Variants in SLC24A3 observed in about 807,000 individuals in gnomAD.
SLC24A3 encodes the protein solute carrier family 24 member 3, also known as sodium/potassium/calcium exchanger 3.
SLC24A3 carries 28 observed loss-of-function variants against 75.8 expected under a neutral mutation model. The observed-to-expected ratio is 0.37, with a 90% CI of 0.27 to 0.51. The LOEUF is 0.51. Among genes scored for constraint, SLC24A3 ranks in the 20% least tolerant of loss-of-function variants. The pLI, the probability that SLC24A3 is intolerant of heterozygous loss-of-function variation, is 0.94. For synonymous variants in SLC24A3, 372 were observed against 334.1 expected (o/e 1.11, Z -1.24); for missense variants, 663 against 847.8 (o/e 0.78, Z 2.71).
chr20:19,518,583 G>C (rs1233422725), intron 3 of SLC24A3, among the ~76,000 whole-genome samples: 1 of 152,194 alleles, frequency 6.6e-6, no homozygotes, highest in Non-Finnish European at 1.5e-5. Context: ...TGAGAGTCAG[G>C]GAGTCTAGAG....
intron 2 of SLC24A3, among the ~76,000 whole-genome samples, chr20:19,406,948 T>C (rs1372866757): frequency 6.6e-6 from 1 of 152,198 alleles, no homozygotes; most frequent in African/African-American, 2.4e-5. Context: ...GCAGTTGACA[T>C]GTGGTGCTGC....
At chr20:19,266,453 A>C (rs1983169000) in intron 1 of SLC24A3, among the ~76,000 whole-genome samples, 1 of 152,218 alleles carries the variant, frequency 6.6e-6, no homozygotes, top group Non-Finnish European at 1.5e-5. Context: ...GGCATGAATT[A>C]AGAAAAGCCC....
In SLC24A3 at chr20:19,698,641, C is replaced by A; in HGVS notation, c.1680C>A (p.Pro560=). ...VFDILIGLGL[P]WALQTLAVDY... ...ACATCCTGATTGGCCTCGGTCTCCC[C>A]TGGGCTCTGCAGACCCTGGCTGTGG... The change falls in exon 15 of 17, where the codon CCC becomes CCA. Residue 560 remains proline, a synonymous_variant. Transcript: ENST00000328041. 6.3e-7 allele frequency: 1 copy of A among 1,592,692 alleles called. No individual in the cohort carries two copies. Among genetic ancestry groups the A allele is most frequent in the Non-Finnish European group, 8.6e-7 (1 of 1,167,564 alleles).
At chr20:19,322,352 TCCTTCCTTCCTTC>T (rs200289633) in intron 2 of SLC24A3, among the ~76,000 whole-genome samples, 26,805 of 102,824 alleles carry the variant, frequency 0.26, 3,148 homozygotes, top group African/African-American at 0.44. Context: ...GAGCCTTCTT[TCCTTCCTTCCTTC>T]CCTTCCTTCC....
intron 2 of SLC24A3, among the ~76,000 whole-genome samples, chr20:19,407,391 G>C (rs144490869): frequency 2.0e-5 from 3 of 152,192 alleles, no homozygotes; most frequent in African/African-American, 7.2e-5. Context: ...AGTTGAGAAC[G>C]GGGCAGGTCG....
In SLC24A3 at chr20:19,416,279, C is replaced by T. The variant is rs116223121; in HGVS notation, c.272-99209C>T. On this transcript the variant is annotated intron_variant, in intron 2 of 16. Transcript: ENST00000328041. Reference sequence around the variant, plus strand: ...ATCATTTGCTAAAGTTCTGTGTGAGCTTGTAAGTGGCAGAGCCCAGATTCC... The same window carrying T: ...ATCATTTGCTAAAGTTCTGTGTGAGTTTGTAAGTGGCAGAGCCCAGATTCC... Among the ~76,000 whole-genome samples, 821 of 152,326 alleles carry T rather than the reference C, an allele frequency of 5.4e-3. 5 individuals carry two copies. The highest frequency in any genetic ancestry group is 0.019 in the African/African-American group (785 of 41,574).
At chr20:19,297,611 C>T (rs926390821) in intron 2 of SLC24A3, among the ~76,000 whole-genome samples, 27 of 152,316 alleles carry the variant, frequency 1.8e-4, no homozygotes, top group African/African-American at 6.5e-4. Context: ...TACACATCCT[C>T]ATATACATAC....
chr20:19,454,351 T>G (rs970542156), intron 2 of SLC24A3, among the ~76,000 whole-genome samples: 1 of 152,234 alleles, frequency 6.6e-6, no homozygotes, highest in African/African-American at 2.4e-5. Flanking sequence ...TCCTGATTTT[T>G]GATAGGTTTT....
rs187618802 is a variant in SLC24A3 at position 19,585,551 on chromosome 20, C to T, written c.612+7C>T. The T allele has an allele frequency of 1.1e-4, 172 of 1,612,414 alleles. No homozygotes were observed. The African/African-American group carries it at 2.0e-3, about 18-fold the overall frequency. Reference sequence around the variant, plus strand: ...TGGGCTCTTTGCTGGGCAGGTAAGACTGGCGGCTTCTTTGTGATGGCAAAA... The same window carrying T: ...TGGGCTCTTTGCTGGGCAGGTAAGATTGGCGGCTTCTTTGTGATGGCAAAA... On this transcript the variant is annotated splice_region_variant and intron_variant, in intron 6 of 16. Coordinates refer to ENST00000328041, the MANE Select transcript of SLC24A3 (RefSeq NM_020689.4).
At chr20:19,717,685 G>A (rs1362575255) in intron 16 of SLC24A3, 92 bp downstream of exon 16, 1 of 1,436,150 alleles carries the variant, frequency 7.0e-7, no homozygotes, top group African/African-American at 1.4e-5. Flanking sequence ...GTCTCCTGGT[G>A]ACTGGGTACA....
At chr20:19,522,853 T>A (rs1398460734) in intron 3 of SLC24A3, among the ~76,000 whole-genome samples, 1 of 152,068 alleles carries the variant, frequency 6.6e-6, no homozygotes, top group Non-Finnish European at 1.5e-5. Context: ...GATGTTGTAA[T>A]TACATTGTAG....
chr20:19,659,904 C>T (rs980887685), intron 7 of SLC24A3, among the ~76,000 whole-genome samples: 9 of 152,170 alleles, frequency 5.9e-5, no homozygotes, highest in Non-Finnish European at 8.8e-5. Context: ...CAGCCACCCC[C>T]TGCTAGAATT....
At chr20:19,713,264 G>A (rs532955895) in intron 15 of SLC24A3, among the ~76,000 whole-genome samples, 2 of 152,252 alleles carry the variant, frequency 1.3e-5, no homozygotes, top group South Asian at 4.2e-4. Flanking sequence ...AAATAAGATG[G>A]TATAATTCTT....
At position 19,360,038 on chromosome 20, in the gene SLC24A3, A is replaced by C. The variant is rs150168704; in HGVS notation, c.271+78951A>C. The stretch of plus-strand genomic sequence containing the variant: ...CTTAGCACACTCCTAGGGCCAGAGA[A>C]CATCCTCAGGCAGAAAGATGCAGGA... On this transcript the variant is annotated intron_variant, in intron 2 of 16. Transcript: ENST00000328041. 4.3e-3 allele frequency among the ~76,000 whole-genome samples: 653 copies of C among 152,280 alleles called. 4 individuals are homozygous for C. The highest frequency in any genetic ancestry group is 0.015 in the African/African-American group (630 of 41,550).
At chr20:19,546,184 A>C (rs1438145023) in intron 3 of SLC24A3, among the ~76,000 whole-genome samples, 2 of 148,292 alleles carry the variant, frequency 1.3e-5, no homozygotes, top group Non-Finnish European at 3.0e-5. Context: ...AAAAAAAAAA[A>C]AAAACCAGGT....
chr20:19,423,745 C>T (rs1345197051), intron 2 of SLC24A3, among the ~76,000 whole-genome samples: 1 of 152,186 alleles, frequency 6.6e-6, no homozygotes, highest in African/African-American at 2.4e-5. Flanking sequence ...GGTTGGTTCT[C>T]TGGACATTGA....
intron 1 of SLC24A3, among the ~76,000 whole-genome samples, chr20:19,241,453 AG>A (rs1982325308): frequency 6.6e-6 from 1 of 152,174 alleles, no homozygotes; most frequent in African/African-American, 2.4e-5. Context: ...GGCCGTTTTC[AG>A]GCCACTCGGT....
chr20:19,535,075 T>A (rs373413434), intron 3 of SLC24A3, among the ~76,000 whole-genome samples: 4 of 152,188 alleles, frequency 2.6e-5, no homozygotes, highest in East Asian at 1.9e-4. Context: ...AACAGAGTAT[T>A]TTACAGGAGT....
chr20:19,274,272 A>G (rs1434150268), intron 1 of SLC24A3, among the ~76,000 whole-genome samples: 1 of 151,872 alleles, frequency 6.6e-6, no homozygotes, highest in Non-Finnish European at 1.5e-5. Context: ...TGCCCACTGG[A>G]CAGGCTGTGG....
Sources: allele counts gnomAD v4.1 joint callset (sites outside exome capture counted in the v4.1 genomes callset), GRCh38; gene constraint gnomAD v4.1.1; transcripts MANE v1.5; gene names NCBI Gene and HGNC (gene_info 2026-07-23, HGNC 2026-07-21).